AUTS2: variants seen among roughly 807,000 people sequenced by gnomAD.
AUTS2 encodes autism susceptibility gene 2 protein.
Under a neutral mutation model 112.4 loss-of-function variants are expected in AUTS2, and 17 were observed. The observed-to-expected ratio is 0.15, with a 90% CI of 0.10 to 0.23. AUTS2 has a LOEUF of 0.23. Among genes scored for constraint, AUTS2 ranks in the 10% least tolerant of loss-of-function variants. The pLI is 1.00. For synonymous variants in AUTS2, 751 were observed against 702.7 expected (o/e 1.07, Z -1.09); for missense variants, 1,510 against 1,701.6 (o/e 0.89, Z 1.98).
intron 4 of AUTS2, among the ~76,000 whole-genome samples, chr7:70,356,706 C>CA: frequency 6.6e-6 from 1 of 152,198 alleles, no homozygotes; most frequent in South Asian, 2.1e-4. Flanking sequence ...CTCCTCCCCC[C>CA]ACCTCCCCAC....
chr7:70,219,050 A>G (rs1367320983), intron 4 of AUTS2, among the ~76,000 whole-genome samples: 2 of 152,120 alleles, frequency 1.3e-5, no homozygotes, highest in African/African-American at 4.8e-5. Context: ...TCTTTTTCTC[A>G]TTTCTAAAAC....
chr7:69,837,576 C>T (rs1256466629), intron 1 of AUTS2, among the ~76,000 whole-genome samples: 1 of 152,148 alleles, frequency 6.6e-6, no homozygotes, highest in African/African-American at 2.4e-5. Flanking sequence ...CCATGAGTCA[C>T]TGCTGAGCCA....
At chr7:70,384,843 A>G (rs945177806) in intron 4 of AUTS2, among the ~76,000 whole-genome samples, 1 of 152,206 alleles carries the variant, frequency 6.6e-6, no homozygotes, top group Non-Finnish European at 1.5e-5. Flanking sequence ...GGCCTCCAGT[A>G]GGAGAATGAG....
At position 70,767,993 on chromosome 7, in the gene AUTS2, G is replaced by GT. The variant is rs1235995888; in HGVS notation, c.1690-30dup. On this transcript the variant is annotated intron_variant, in intron 9 of 18. Transcript: ENST00000342771. ...AGCAGTGAACAAAAATGCAGATTAAGTAACTAGCTTTTGCTTTGATCCCTT... is the reference window on the plus strand; with the variant it reads ...AGCAGTGAACAAAAATGCAGATTAAGTTAACTAGCTTTTGCTTTGATCCCTT... 9.9e-6 allele frequency: 16 copies of GT among 1,608,392 alleles called. 1 individual carries two copies. In the Admixed American group the frequency reaches 2.7e-4, roughly 27 times the overall value.
chr7:70,450,022 C>T (rs1044460727), intron 5 of AUTS2, among the ~76,000 whole-genome samples: 1 of 152,180 alleles, frequency 6.6e-6, no homozygotes, highest in African/African-American at 2.4e-5. Context: ...TGTGGTCAAC[C>T]TGGAGAATCC....
intron 2 of AUTS2, among the ~76,000 whole-genome samples, chr7:70,116,952 G>A (rs2129572356): frequency 6.6e-6 from 1 of 152,248 alleles, no homozygotes; most frequent in Admixed American, 6.5e-5. Context: ...GTTTGGTGAT[G>A]ATATTGTAGA....
chr7:70,273,422 A>G (rs908585624), intron 4 of AUTS2, among the ~76,000 whole-genome samples: 4 of 152,174 alleles, frequency 2.6e-5, no homozygotes, highest in Admixed American at 6.5e-5. Context: ...TCAGACATAC[A>G]TAATAAAATT....
intron 4 of AUTS2, among the ~76,000 whole-genome samples, chr7:70,371,444 G>A (rs991554929): frequency 2.6e-5 from 4 of 152,184 alleles, no homozygotes; most frequent in Non-Finnish European, 5.9e-5. Flanking sequence ...AACTGAATTT[G>A]ATCAAACAGA....
At chr7:70,110,754 T>C (rs1465365130) in intron 2 of AUTS2, among the ~76,000 whole-genome samples, 1 of 151,744 alleles carries the variant, frequency 6.6e-6, no homozygotes, top group Non-Finnish European at 1.5e-5. Flanking sequence ...TCCAAACATA[T>C]CCAAAAATCC....
intron 4 of AUTS2, among the ~76,000 whole-genome samples, chr7:70,289,930 G>A (rs972930661): frequency 6.6e-6 from 1 of 152,176 alleles, no homozygotes; most frequent in Non-Finnish European, 1.5e-5. Context: ...ACCTAATTTA[G>A]TAAGAGGGGC....
At chr7:69,679,995 T>C (rs1032997746) in intron 1 of AUTS2, among the ~76,000 whole-genome samples, 11 of 152,248 alleles carry the variant, frequency 7.2e-5, no homozygotes, top group Admixed American at 6.5e-4. Context: ...ACAGTTGTTT[T>C]CTTTTAACAT....
chr7:70,726,758 C>G (rs560781188), intron 6 of AUTS2, among the ~76,000 whole-genome samples: 5 of 152,288 alleles, frequency 3.3e-5, no homozygotes, highest in African/African-American at 1.2e-4. Flanking sequence ...GTCAGAGAGG[C>G]TTAAACACAA....
chr7:69,674,662 C>T (rs1226434045), intron 1 of AUTS2, among the ~76,000 whole-genome samples: 2 of 152,148 alleles, frequency 1.3e-5, no homozygotes. Flanking sequence ...AGAATCTAAT[C>T]AGTTATTTTT....
intron 5 of AUTS2, among the ~76,000 whole-genome samples, chr7:70,536,888 G>A (rs1228349271): frequency 6.6e-6 from 1 of 152,066 alleles, no homozygotes; most frequent in African/African-American, 2.4e-5. Flanking sequence ...CAACAAGAGT[G>A]AAACTCTGTC....
At chr7:69,918,105 T>C (rs1450084939) in intron 2 of AUTS2, among the ~76,000 whole-genome samples, 2 of 152,260 alleles carry the variant, frequency 1.3e-5, no homozygotes, top group East Asian at 1.9e-4. Context: ...CCTCCCAAAG[T>C]GCTGGGATTA....
chr7:70,435,703 A>G, intron 4 of AUTS2, 49 bp from the exon 5 acceptor site: 2 of 1,605,280 alleles, frequency 1.2e-6, no homozygotes, highest in African/African-American at 1.3e-5. Flanking sequence ...AAAAGCAAAA[A>G]CATACTCAGT....
intron 1 of AUTS2, among the ~76,000 whole-genome samples, chr7:69,716,078 G>T (rs1007779002): frequency 1.6e-4 from 24 of 152,260 alleles, no homozygotes; most frequent in African/African-American, 5.5e-4. Flanking sequence ...AATTCTTGGG[G>T]ACCCTGAGTT....
In AUTS2 at chr7:70,186,728, C is replaced by G. The variant is rs185964225; in HGVS notation, c.660+52157C>G. Among the ~76,000 whole-genome samples the G allele has an allele frequency of 2.6e-4, 40 of 152,186 alleles. No homozygotes were observed. In the East Asian group the frequency reaches 7.2e-3, roughly 27 times the overall value. On this transcript the variant is annotated intron_variant, in intron 4 of 18. Coordinates refer to ENST00000342771, the MANE Select transcript of AUTS2 (RefSeq NM_015570.4). ...GAATTACAGGCGCCCGCCACCATGT[C>G]CCAGTTAATTTTTGCATTTTTAGTA...
At chr7:70,102,675 C>T (rs1012854035) in intron 2 of AUTS2, among the ~76,000 whole-genome samples, 5 of 152,082 alleles carry the variant, frequency 3.3e-5, no homozygotes, top group African/African-American at 1.2e-4. Context: ...ATTATAGTTA[C>T]AAGTCAGACA....
Sources: gnomAD v4.1 joint callset for allele counts (sites outside exome capture counted in the v4.1 genomes callset) on GRCh38, gnomAD v4.1.1 for gene constraint, MANE v1.5 for transcripts, NCBI Gene and HGNC (gene_info 2026-07-23, HGNC 2026-07-21) for gene names.